Variants in PCDHGA5 observed in about 807,000 individuals in gnomAD.
PCDHGA5 encodes protocadherin gamma-A5.
A neutral mutation model predicts 56.7 loss-of-function variants in PCDHGA5; 36 were observed. The observed-to-expected ratio is 0.64, with a 90% CI of 0.49 to 0.84. PCDHGA5 has a LOEUF of 0.84. Ranked by LOEUF, PCDHGA5 falls within the 40% of genes least tolerant of loss-of-function variation. The probability of loss-of-function intolerance (pLI) is 0.00; values close to 1 mark genes in which losing one functional copy is unlikely to be tolerated. For missense variants in PCDHGA5, 1,305 were observed against 1,201.5 expected (o/e 1.09, Z -1.27); for synonymous variants, 563 against 520.2 (o/e 1.08, Z -1.12).
chr5:141,388,647 G>A lies in PCDHGA5; in HGVS notation c.2421+21896G>A, dbSNP rs778996768. ...ATACAGGGTGAGCCTTTCAGAAAAC[G>A]TGTACCCGGGGACCACGGTGCTACA... On this transcript the variant is annotated intron_variant, in intron 1 of 3. Coordinates refer to ENST00000518069, the MANE Select transcript of PCDHGA5 (RefSeq NM_018918.3). The A allele has an allele frequency of 6.8e-6, 11 of 1,613,892 alleles. No homozygotes were observed. The Admixed American group carries it at 1.0e-4, about 15-fold the overall frequency.
chr5:141,388,793 T>C, intron 1 of PCDHGA5: 1 of 1,613,918 alleles, frequency 6.2e-7, no homozygotes, highest in South Asian at 1.1e-5. Flanking sequence ...CTGTTTTAAA[T>C]ACATTAGATT....
At chr5:141,371,773 A>G (rs148367405) in intron 1 of PCDHGA5, 2 of 1,614,020 alleles carry the variant, frequency 1.2e-6, no homozygotes, top group African/African-American at 1.3e-5. Flanking sequence ...TACACCGTGC[A>G]TGTAGCTGAG....
At chr5:141,380,816 A>C (rs546532723) in intron 1 of PCDHGA5, among the ~76,000 whole-genome samples, 1 of 152,374 alleles carries the variant, frequency 6.6e-6, no homozygotes, top group East Asian at 1.9e-4. Flanking sequence ...AGATGAAACT[A>C]TGAATTTTGA....
chr5:141,392,741 C>T, intron 1 of PCDHGA5: 1 of 1,435,876 alleles, frequency 7.0e-7, no homozygotes. Context: ...ATCTCCATAG[C>T]TGCGGCAAGA....
At chr5:141,418,031 G>A (rs760396058) in intron 1 of PCDHGA5, 1 of 1,614,022 alleles carries the variant, frequency 6.2e-7, no homozygotes, top group Non-Finnish European at 8.5e-7. Context: ...AGGGCTTAGT[G>A]TCCTGGATGT....
intron 1 of PCDHGA5, chr5:141,441,330 C>T (rs919906372): frequency 8.5e-5 from 13 of 152,170 alleles, no homozygotes; most frequent in Admixed American, 1.3e-4. Context: ...AATCTTCCTC[C>T]AATAATTAAC....
Position 141,364,583 on chromosome 5 carries a change from G to A in PCDHGA5, c.253G>A (p.Val85Ile). The A allele has an allele frequency of 1.2e-6, 2 of 1,614,216 alleles. No individual in the cohort carries two copies. ...FALNPRSGSL[V>I]TAGRIDREEL... is the part of the protein sequence containing the mutation. The stretch of plus-strand genomic sequence containing the variant: ...CCTGAACCCGCGAAGCGGCAGCTTG[G>A]TCACCGCGGGCAGGATAGACCGGGA... Residue 85 changes from valine (V) to isoleucine (I), a missense_variant, in exon 1 of 4, where the codon GTC becomes ATC. Physicochemically the swap from Val to Ile is conservative, Grantham distance 29. Transcript: ENST00000518069.
intron 1 of PCDHGA5, chr5:141,403,682 C>T (rs1456832899): frequency 1.3e-5 from 21 of 1,613,810 alleles, no homozygotes; most frequent in Non-Finnish European, 1.1e-5. Flanking sequence ...GGTTTTTGCT[C>T]AACGGATTTA....
At position 141,409,627 on chromosome 5, in the gene PCDHGA5, C is replaced by A. The variant is rs761778894; in HGVS notation, c.2421+42876C>A. ...CAGGAGCCTCCATTGCGCAAGTGAG[C>A]GCCTCTGACCCGGATTTGGGGCTCA... On this transcript the variant is annotated intron_variant, in intron 1 of 3. Coordinates refer to ENST00000518069, the MANE Select transcript of PCDHGA5 (RefSeq NM_018918.3). 5.0e-5 allele frequency: 80 copies of A among 1,613,716 alleles called. No individual in the cohort carries two copies. The Admixed American group carries it at 1.2e-3, about 24-fold the overall frequency.
At chr5:141,407,512 T>G (rs910710605) in intron 1 of PCDHGA5, among the ~76,000 whole-genome samples, 3 of 152,192 alleles carry the variant, frequency 2.0e-5, no homozygotes, top group Non-Finnish European at 4.4e-5. Flanking sequence ...TCTTAGGCTA[T>G]GTAGGACTTA....
chr5:141,460,936 A>G (rs189741735), intron 1 of PCDHGA5, among the ~76,000 whole-genome samples: 31 of 149,318 alleles, frequency 2.1e-4, no homozygotes, highest in Non-Finnish European at 3.8e-4. Flanking sequence ...GTGTGTGTGT[A>G]TATATATGTA....
At chr5:141,422,171 T>C (rs1204753893) in intron 1 of PCDHGA5, 4 of 1,564,922 alleles carry the variant, frequency 2.6e-6, no homozygotes, top group Non-Finnish European at 3.4e-6. Context: ...AAATATAGAT[T>C]CTATGAGATG....
At chr5:141,508,295 G>C (rs989632251) in intron 3 of PCDHGA5, 5 of 152,202 alleles carry the variant, frequency 3.3e-5, no homozygotes, top group Non-Finnish European at 7.3e-5. Context: ...TGGGCCTTGG[G>C]GGGAGTGGGG....
In PCDHGA5 at chr5:141,487,153, T is replaced by C; in HGVS notation, c.2422-7654T>C. The stretch of plus-strand genomic sequence containing the variant: ...GTCCACCACTCTCTACCTCTGTTAC[T>C]CTCTTAGTGTCCTTAGAGGAAGACA... On this transcript the variant is annotated intron_variant, in intron 1 of 3. Coordinates refer to ENST00000518069, the MANE Select transcript of PCDHGA5 (RefSeq NM_018918.3). This position sits in a 1 kb window ranked among gnomAD's most constrained non-coding sequence, Gnocchi z 5.0. 3 of 1,613,954 alleles carry C rather than the reference T, an allele frequency of 1.9e-6. No individual in the cohort carries two copies. Among genetic ancestry groups the C allele is most frequent in the Non-Finnish European group, 2.5e-6 (3 of 1,179,838 alleles).
intron 1 of PCDHGA5, among the ~76,000 whole-genome samples, chr5:141,445,320 A>G (rs1462989860): frequency 1.3e-5 from 2 of 152,188 alleles, no homozygotes; most frequent in Non-Finnish European, 2.9e-5. Flanking sequence ...GGTTGAGAGA[A>G]CCCATCCAGA....
chr5:141,458,413 G>T lies in PCDHGA5; in HGVS notation c.2422-36394G>T, dbSNP rs138479316. On this transcript the variant is annotated intron_variant, in intron 1 of 3. Coordinates refer to ENST00000518069, the MANE Select transcript of PCDHGA5 (RefSeq NM_018918.3). ...TCCCCCTTGCAGAGACGGAGCGGGG[G>T]TTCCAAAGCTGAAAGAGGAGGTCCC... Among the ~76,000 whole-genome samples the T allele has an allele frequency of 9.0e-4, 137 of 152,196 alleles. 5 individuals carry two copies. The East Asian group carries it at 0.026, about 28-fold the overall frequency.
At chr5:141,474,606 T>C (rs1156236978) in intron 1 of PCDHGA5, among the ~76,000 whole-genome samples, 1 of 152,242 alleles carries the variant, frequency 6.6e-6, no homozygotes, top group Non-Finnish European at 1.5e-5. Context: ...ATAGGTCACA[T>C]ATGGCTTTTC....
Position 141,364,550 on chromosome 5 carries a change from C to A in PCDHGA5, c.220C>A (p.Leu74Ile), listed in dbSNP as rs1257524038. Residue 74 changes from leucine (L) to isoleucine (I), a missense_variant, in exon 1 of 4, where the codon CTT (leucine) becomes ATT (isoleucine). Physicochemically the swap from Leu to Ile is conservative, Grantham distance 5. Coordinates refer to ENST00000518069, the MANE Select transcript of PCDHGA5 (RefSeq NM_018918.3). ...CATCGTCTCCAGAGGTAGGACGCAG[C>A]TTTTTGCCCTGAACCCGCGAAGCGG... ...VRIVSRGRTQLFALNPRSGSL... is the reference protein window; with the variant it reads ...VRIVSRGRTQIFALNPRSGSL... The A allele has an allele frequency of 3.1e-6, 5 of 1,613,922 alleles. No homozygotes were observed. The Admixed American group carries it at 5.0e-5, about 16-fold the overall frequency.
chr5:141,465,049 T>G (rs546927594), intron 1 of PCDHGA5, among the ~76,000 whole-genome samples: 1 of 152,016 alleles, frequency 6.6e-6, no homozygotes, highest in Non-Finnish European at 1.5e-5. Flanking sequence ...ACCCTATATA[T>G]TTTTTTGAAT....
Sources: gnomAD v4.1 joint callset for allele counts (sites outside exome capture counted in the v4.1 genomes callset) on GRCh38, gnomAD v4.1.1 for gene constraint, Gnocchi (gnomAD v3.1) non-coding constraint, MANE v1.5 for transcripts, NCBI Gene and HGNC (gene_info 2026-07-23, HGNC 2026-07-21) for gene names.